The following TRPM5 variants were observed in gnomAD, a reference collection of about 807,000 sequenced individuals.
TRPM5 encodes the protein transient receptor potential cation channel subfamily M member 5, also known as MLSN1 and TRP-related.
A neutral mutation model predicts 124.9 loss-of-function variants in TRPM5; 121 were observed. The ratio of observed to expected loss-of-function variants is 0.97; its 90% confidence interval spans 0.84 to 1.13. TRPM5 has a LOEUF of 1.13. Among genes scored for constraint, TRPM5 ranks in the 50% most tolerant of loss-of-function variants. The pLI, the probability that TRPM5 is intolerant of heterozygous loss-of-function variation, is 0.00. For synonymous variants in TRPM5, 781 were observed against 700.5 expected (o/e 1.11, Z -1.81); for missense variants, 1,643 against 1,589.1 (o/e 1.03, Z -0.58).
chr11:2,416,563 G>T (rs1845685037), intron 7 of TRPM5, among the ~76,000 whole-genome samples: 1 of 152,194 alleles, frequency 6.6e-6, no homozygotes, highest in African/African-American at 2.4e-5. Context: ...AGACTACGGT[G>T]CCTCTCTCAG....
At chr11:2,408,203 G>T (rs1850363665) in intron 18 of TRPM5, among the ~76,000 whole-genome samples, 1 of 152,222 alleles carries the variant, frequency 6.6e-6, no homozygotes, top group Non-Finnish European at 1.5e-5. Flanking sequence ...GGCCCTGGAA[G>T]TAGAGCCAAG....
At position 2,406,837 on chromosome 11, in the gene TRPM5, C is replaced by T. The variant is rs200427437; in HGVS notation, c.3119-44G>A. ...AGCCAGCATTACTAGAGCATGTGGG[C>T]GTCAGTGGCAGAGCCCAGGCCTGGT... On this transcript the variant is annotated intron_variant, in intron 20 of 23. Coordinates refer to ENST00000155858, the Ensembl canonical transcript of TRPM5. The T allele has an allele frequency of 3.7e-5, 58 of 1,586,582 alleles. 1 individual carries two copies. The African/African-American group carries it at 5.7e-4, about 15-fold the overall frequency.
intron 12 of TRPM5, 89 bp from the exon 18 acceptor site, chr11:2,413,677 G>C: frequency 7.9e-7 from 1 of 1,264,608 alleles, no homozygotes; most frequent in Middle Eastern, 1.9e-4. Flanking sequence ...CCAGGTGCCT[G>C]GCCCACGTGA....
chr11:2,433,056 C>A, the TRPM5 span, among the ~76,000 whole-genome samples: 3 of 152,248 alleles, frequency 2.0e-5, no homozygotes, highest in East Asian at 1.9e-4. Context: ...AGTTCCCTGG[C>A]CCGGGCAGCG....
At chr11:2,416,510 G>A (rs980579438) in intron 7 of TRPM5, among the ~76,000 whole-genome samples, 1 of 152,186 alleles carries the variant, frequency 6.6e-6, no homozygotes, top group Admixed American at 6.5e-5. Context: ...AGACTCGCAC[G>A]TGAGGCTCAC....
At chr11:2,405,358 C>T (rs1252820952) in intron 23 of TRPM5, among the ~76,000 whole-genome samples, 169 bp downstream of exon 28, 2 of 152,218 alleles carry the variant, frequency 1.3e-5, no homozygotes, top group African/African-American at 2.4e-5. Context: ...GCAGGGACTC[C>T]GTCAGAGGGC....
the TRPM5 span, among the ~76,000 whole-genome samples, chr11:2,437,432 T>A: frequency 2.0e-5 from 3 of 152,186 alleles, no homozygotes; most frequent in African/African-American, 7.2e-5. The surrounding 1 kb of genome is among the most constrained non-coding windows in gnomAD (Gnocchi z 5.6). Context: ...TATGAAGGTG[T>A]GTCTGTCCTG....
chr11:2,431,301 G>A, the TRPM5 span, among the ~76,000 whole-genome samples: 1 of 152,160 alleles, frequency 6.6e-6, no homozygotes, highest in East Asian at 1.9e-4. Flanking sequence ...GCCTATCTTG[G>A]GGGCCCTGGG....
chr11:2,404,824 TGGGGGGCTGGTGCCCCCTGG>T, exon 24 of TRPM5: 1 of 811,616 alleles, frequency 1.2e-6, no homozygotes, highest in Non-Finnish European at 2.0e-6. Flanking sequence ...CATTGTCTGC[TGGGGGGCTGGTGCCCCCTGG>T]GGGGTTCCGC....
exon 24 of TRPM5, chr11:2,404,628 G>A (rs963765375): frequency 5.6e-6 from 2 of 358,960 alleles, no homozygotes; most frequent in Non-Finnish European, 1.0e-5. Flanking sequence ...ACGCCACAGG[G>A]CCAGCTTTTC....
the TRPM5 span, among the ~76,000 whole-genome samples, chr11:2,437,027 A>C: frequency 6.6e-6 from 1 of 152,004 alleles, no homozygotes; most frequent in Admixed American, 6.5e-5. The surrounding 1 kb of genome is among the most constrained non-coding windows in gnomAD (Gnocchi z 5.6). Context: ...GTAGCTCCCC[A>C]CCTCTCTACT....
At chr11:2,422,422 G>A (rs371265237) in intron 1 of TRPM5, 101 bp from the exon 7 acceptor site, 5 of 836,340 alleles carry the variant, frequency 6.0e-6, no homozygotes, top group Non-Finnish European at 8.7e-6. Flanking sequence ...GGGAGGTGCT[G>A]AGCATGGGGG....
At chr11:2,416,149 G>A (rs1182754198) in intron 7 of TRPM5, 125 bp from the exon 13 acceptor site, 7 of 586,130 alleles carry the variant, frequency 1.2e-5, no homozygotes, top group Non-Finnish European at 2.1e-5. Flanking sequence ...TGGGACTTGA[G>A]GGGGCACATG....
chr11:2,425,897 C>G (rs1469042980), upstream of TRPM5, among the ~76,000 whole-genome samples: 1 of 152,208 alleles, frequency 6.6e-6, no homozygotes, highest in East Asian at 1.9e-4. Context: ...ACTCCTTCTT[C>G]TCTTCCCTTC....
chr11:2,421,317 C>T, intron 2 of TRPM5, 119 bp from the exon 8 acceptor site: 1 of 1,272,196 alleles, frequency 7.9e-7, no homozygotes, highest in Non-Finnish European at 1.1e-6. Flanking sequence ...GGGGTGGGTG[C>T]TGGGGAATGC....
the TRPM5 span, among the ~76,000 whole-genome samples, chr11:2,428,271 G>C: frequency 1.3e-5 from 2 of 152,192 alleles, no homozygotes; most frequent in African/African-American, 2.4e-5. The surrounding 1 kb of genome is among the most constrained non-coding windows in gnomAD (Gnocchi z 4.0). Flanking sequence ...AGACTCCAAG[G>C]ACCCCCTGTT....
At chr11:2,442,044 G>A in the TRPM5 span, among the ~76,000 whole-genome samples, 8 of 152,176 alleles carry the variant, frequency 5.3e-5, no homozygotes, top group South Asian at 2.1e-4. This position sits in a 1 kb window ranked among gnomAD's most constrained non-coding sequence, Gnocchi z 5.9. Context: ...CTTTTCACTC[G>A]TTTTCAGAAT....
Position 2,406,606 on chromosome 11 carries a change from A to G in TRPM5, c.3251+55T>C, listed in dbSNP as rs192259493. 2.8e-3 allele frequency: 4,370 copies of G among 1,544,098 alleles called. 10 individuals are homozygous for G. The highest frequency in any genetic ancestry group is 3.3e-3 in the South Asian group (264 of 80,050). ...CCTCTGTCACTGGCGCCAATGGCAC[A>G]TCCCCGCTTAAAGACAGCCCGATAC... On this transcript the variant is annotated intron_variant, in intron 21 of 23. Coordinates refer to ENST00000155858, the Ensembl canonical transcript of TRPM5.
intron 3 of TRPM5, 88 bp downstream of exon 8, chr11:2,420,944 C>T (rs1845763985): frequency 2.2e-6 from 3 of 1,372,564 alleles, no homozygotes; most frequent in African/African-American, 1.5e-5. Context: ...GAGTCCTGTC[C>T]TCCCAGAGCT....
Sources: allele counts gnomAD v4.1 joint callset (sites outside exome capture counted in the v4.1 genomes callset), GRCh38; gene constraint gnomAD v4.1.1; non-coding constraint Gnocchi (gnomAD v3.1); transcripts MANE v1.5; gene names NCBI Gene and HGNC (gene_info 2026-07-23, HGNC 2026-07-21).